The following SGMS1 variants were observed in gnomAD, a reference collection of about 807,000 sequenced individuals.
SGMS1 encodes the protein sphingomyelin synthase 1.
A neutral mutation model predicts 46.2 loss-of-function variants in SGMS1; 13 were observed. The observed-to-expected ratio is 0.28, with a 90% CI of 0.18 to 0.45. The LOEUF is 0.45. Ranked by LOEUF, SGMS1 falls within the 20% of genes least tolerant of loss-of-function variation. The pLI is 1.00. For synonymous variants in SGMS1, 203 were observed against 187.8 expected (o/e 1.08, Z -0.66); for missense variants, 324 against 519.9 (o/e 0.62, Z 3.66).
At chr10:50,429,972 A>C (rs1376903682) in intron 6 of SGMS1, among the ~76,000 whole-genome samples, 1 of 151,942 alleles carries the variant, frequency 6.6e-6, no homozygotes, top group Non-Finnish European at 1.5e-5. Context: ...GGTATCAAAG[A>C]CCCTCTATTT....
chr10:50,399,988 C>G (rs1848908402), intron 6 of SGMS1, among the ~76,000 whole-genome samples: 5 of 149,536 alleles, frequency 3.3e-5, no homozygotes, highest in Admixed American at 3.3e-4. Context: ...GGGATCGCGC[C>G]ACTGCACTCC....
chr10:50,609,521 GTTTTTTTTTTTTTTT>G (rs370846975), intron 1 of SGMS1, among the ~76,000 whole-genome samples: 1 of 117,046 alleles, frequency 8.5e-6, no homozygotes, highest in African/African-American at 3.2e-5. Context: ...CTTCTCAATA[GTTTTTTTTTTTTTTT>G]TTTTTTTACA....
chr10:50,595,459 G>A lies in SGMS1; in HGVS notation c.-683-5212C>T, dbSNP rs189597382. Among the ~76,000 whole-genome samples, 680 of 152,292 alleles carry A rather than the reference G, an allele frequency of 4.5e-3. 2 individuals are homozygous for A. Among genetic ancestry groups the A allele is most frequent in the Admixed American group, 0.012 (181 of 15,306 alleles). On this transcript the variant is annotated intron_variant, in intron 1 of 10. Transcript: ENST00000361781. Reference sequence around the variant, plus strand: ...TCCCAATGTGCTGGGATACAGGCATGAGCCACCATGCCCAGCCTACTGTGT... The same window carrying A: ...TCCCAATGTGCTGGGATACAGGCATAAGCCACCATGCCCAGCCTACTGTGT...
rs375814812 is a variant in SGMS1 at position 50,565,888 on chromosome 10, C to T, written c.-589+24265G>A. On this transcript the variant is annotated intron_variant, in intron 2 of 10. Transcript: ENST00000361781. ...CTCAGGACCTGGAAGCTGGAGCAAG[C>T]AACATAAGGAGACAGAGACAGAGGA... 5.3e-5 allele frequency among the ~76,000 whole-genome samples: 8 copies of T among 152,288 alleles called. No homozygotes were observed. In the South Asian group the frequency reaches 1.7e-3, roughly 32 times the overall value.
At chr10:50,312,337 TAA>T (rs10591253) in intron 8 of SGMS1, among the ~76,000 whole-genome samples, 44,477 of 134,984 alleles carry the variant, frequency 0.33, 7,415 homozygotes, top group East Asian at 0.63. Flanking sequence ...TGTGAGAAAT[TAA>T]AAAAAAAAAA....
chr10:50,494,611 C>CA (rs1477259993), intron 3 of SGMS1, among the ~76,000 whole-genome samples: 1 of 152,170 alleles, frequency 6.6e-6, no homozygotes, highest in African/African-American at 2.4e-5. Context: ...GAACAGCACA[C>CA]ACTGGAGCCT....
intron 4 of SGMS1, among the ~76,000 whole-genome samples, chr10:50,465,195 G>A (rs1160864197): frequency 6.6e-6 from 1 of 152,092 alleles, no homozygotes; most frequent in Non-Finnish European, 1.5e-5. Context: ...CACTGAAATG[G>A]CCAGTAAGGT....
At chr10:50,367,316 G>A (rs1159646405) in intron 6 of SGMS1, among the ~76,000 whole-genome samples, 1 of 152,194 alleles carries the variant, frequency 6.6e-6, no homozygotes, top group Non-Finnish European at 1.5e-5. Context: ...GCCCAGATAG[G>A]AGAAATCAAG....
chr10:50,522,279 C>T (rs1377198293), intron 2 of SGMS1, among the ~76,000 whole-genome samples: 1 of 152,032 alleles, frequency 6.6e-6, no homozygotes, highest in African/African-American at 2.4e-5. Flanking sequence ...GTGACATACT[C>T]CATCTTTTAA....
intron 8 of SGMS1, among the ~76,000 whole-genome samples, chr10:50,315,756 G>A (rs1442679298): frequency 1.3e-5 from 2 of 152,074 alleles, no homozygotes; most frequent in African/African-American, 2.4e-5. Context: ...AACTTTCAGT[G>A]GATACTACAA....
chr10:50,523,294 A>C (rs1204229501), intron 2 of SGMS1, among the ~76,000 whole-genome samples: 1 of 152,228 alleles, frequency 6.6e-6, no homozygotes, highest in South Asian at 2.1e-4. Flanking sequence ...TTAAGACTCA[A>C]ATACTTTCAA....
intron 2 of SGMS1, among the ~76,000 whole-genome samples, chr10:50,537,031 C>A (rs1030955083): frequency 6.6e-6 from 1 of 152,112 alleles, no homozygotes; most frequent in African/African-American, 2.4e-5. Flanking sequence ...CTTGTTTGGT[C>A]CCCAGGCCTT....
At chr10:50,328,048 C>A (rs1291394210) in intron 7 of SGMS1, 10 of 376,082 alleles carry the variant, frequency 2.7e-5, no homozygotes, top group Non-Finnish European at 4.0e-5. Flanking sequence ...AAAATATAAG[C>A]AAAAATTAGA....
chr10:50,437,920 C>T (rs1849495754), intron 5 of SGMS1, among the ~76,000 whole-genome samples: 1 of 152,192 alleles, frequency 6.6e-6, no homozygotes, highest in African/African-American at 2.4e-5. Context: ...GGAAGGGCCC[C>T]AGCAGCATGA....
chr10:50,328,222 T>C, intron 7 of SGMS1: 1 of 236,156 alleles, frequency 4.2e-6, no homozygotes, highest in South Asian at 4.4e-5. Flanking sequence ...TCTGGTGTAT[T>C]TTTGAACAAG....
chr10:50,569,265 A>C (rs1381606854), intron 2 of SGMS1, among the ~76,000 whole-genome samples: 1 of 147,970 alleles, frequency 6.8e-6, no homozygotes, highest in Non-Finnish European at 1.5e-5. Context: ...ACAAACCTGC[A>C]CATTCTGCAC....
In SGMS1 at chr10:50,330,692, A is replaced by G. The variant is rs564223030; in HGVS notation, c.624-3370T>C. On this transcript the variant is annotated intron_variant, in intron 7 of 10. Coordinates refer to ENST00000361781, the MANE Select transcript of SGMS1 (RefSeq NM_147156.4). ...TTTTAGAGATAAATAGGACTTGACAATGGTGCAGTGGAACTAAGCAACAAT... is the reference window on the plus strand; with the variant it reads ...TTTTAGAGATAAATAGGACTTGACAGTGGTGCAGTGGAACTAAGCAACAAT... Among the ~76,000 whole-genome samples the G allele has an allele frequency of 3.3e-5, 5 of 152,326 alleles. No individual in the cohort carries two copies. In the East Asian group the frequency reaches 7.7e-4, roughly 24 times the overall value.
intron 3 of SGMS1, among the ~76,000 whole-genome samples, chr10:50,480,591 G>A (rs941697054): frequency 6.6e-6 from 1 of 151,122 alleles, no homozygotes. Context: ...GTGCTACCCT[G>A]CCCAGGAAAC....
In SGMS1 at chr10:50,623,785, G is replaced by T. The variant is rs867173248; in HGVS notation, c.-762C>A. 6.1e-6 allele frequency: 6 copies of T among 985,478 alleles called. No homozygotes were observed. In the East Asian group the frequency reaches 3.4e-4, roughly 56 times the overall value. The allele number at this position is 985,478 out of a possible 1,614,324, so 61.0% of individuals were successfully genotyped here. A position where few individuals can be genotyped will look rare whatever the true frequency, so the allele number is the denominator to read the frequency against. On this transcript the variant is annotated 5_prime_UTR_variant, in exon 1 of 11. Coordinates refer to ENST00000361781, the MANE Select transcript of SGMS1 (RefSeq NM_147156.4). ...GGAATGAAATCCGGGGCAGGGCAGCGTCGGGGCTCCGCACCCCAATCGCGC... is the reference window on the plus strand; with the variant it reads ...GGAATGAAATCCGGGGCAGGGCAGCTTCGGGGCTCCGCACCCCAATCGCGC...
Sources: allele counts gnomAD v4.1 joint callset (sites outside exome capture counted in the v4.1 genomes callset), GRCh38; gene constraint gnomAD v4.1.1; transcripts MANE v1.5; gene names NCBI Gene and HGNC (gene_info 2026-07-23, HGNC 2026-07-21).